The following PLXND1 variants were observed in gnomAD, a reference collection of about 807,000 sequenced individuals.
The protein encoded by PLXND1 is plexin D1, also known as plexin-D1.
PLXND1 carries 54 observed loss-of-function variants against 197.7 expected under a neutral mutation model. The observed-to-expected ratio is 0.27, with a 90% CI of 0.22 to 0.34. PLXND1 has a LOEUF of 0.34. PLXND1 is among the 10% of genes least tolerant of loss of function. The pLI, the probability that PLXND1 is intolerant of heterozygous loss-of-function variation, is 1.00. For synonymous variants in PLXND1, 1,180 were observed against 1,161.2 expected (o/e 1.02, Z -0.33); for missense variants, 2,127 against 2,699.2 (o/e 0.79, Z 4.70).
At position 129,586,664 on chromosome 3, in the gene PLXND1, T is replaced by A. The variant is rs137960066; in HGVS notation, c.1544A>T (p.Tyr515Phe). The A allele has an allele frequency of 6.3e-7, 1 of 1,589,396 alleles. No homozygotes were observed. The highest frequency in any genetic ancestry group is 1.3e-5 in the African/African-American group (1 of 74,634). ...VVSRRVVTVA[Y>F]GEPVHHVMQF... is the part of the protein sequence containing the mutation. ...CATGACATGGTGCACGGGCTCCCCA[T>A]AGGCCACAGTCACCACCCGCCTGCT... is the stretch of plus-strand genomic sequence containing the variant. The change falls in exon 3 of 36, where the codon TAT becomes TTT. Residue 515 changes from tyrosine (Y) to phenylalanine (F), a missense_variant. Physicochemically the swap from Tyr to Phe is conservative, Grantham distance 22. This residue lies in a region of PLXND1 where 1,095 missense variants were observed against 1,259.8 expected (regional missense o/e 0.87). Coordinates refer to ENST00000324093, the MANE Select transcript of PLXND1 (RefSeq NM_015103.3).
At position 129,575,554 on chromosome 3, in the gene PLXND1, C is replaced by G; in HGVS notation, c.2445G>C (p.Thr815=). The change falls in exon 11 of 36, where the codon ACG becomes ACC. Residue 815 remains threonine, a synonymous_variant. Coordinates refer to ENST00000324093, the MANE Select transcript of PLXND1 (RefSeq NM_015103.3). ...VVRCDQVVLH[T]TRKSQVFPLS... is the part of the protein sequence containing the mutation. The stretch of plus-strand genomic sequence containing the variant: ...GCGGGAACACCTGGCTCTTCCGGGT[C>G]GTGTGCAGCTGCAAAAGGGCAGAAA... 1.3e-6 allele frequency: 2 copies of G among 1,555,158 alleles called. No individual in the cohort carries two copies. The highest frequency in any genetic ancestry group is 1.7e-6 in the Non-Finnish European group (2 of 1,148,628).
chr3:129,566,783 A>G (rs1216444709), intron 22 of PLXND1, 152 bp from the exon 23 acceptor site: 2 of 583,974 alleles, frequency 3.4e-6, no homozygotes, highest in African/African-American at 3.8e-5. Flanking sequence ...GCAGTGGGCC[A>G]AGCCTGGGGG....
chr3:129,574,388 C>T lies in PLXND1; in HGVS notation c.2633G>A (p.Arg878Gln), dbSNP rs775185534. ...GCCAGCCATGGGCTGCAGAGGCCCC[C>T]GCAGGCGGCAGCCATCACTCCACAT... Reference protein sequence around the residue: ...LCMWSDGCRLRGPLQPMAGTC... With the variant: ...LCMWSDGCRLQGPLQPMAGTC... Residue 878 changes from arginine (R) to glutamine (Q), a missense_variant, in exon 12 of 36, where the codon CGG becomes CAG. Physicochemically the swap from Arg to Gln is conservative, Grantham distance 43. Coordinates refer to ENST00000324093, the MANE Select transcript of PLXND1 (RefSeq NM_015103.3). 8.1e-6 allele frequency: 13 copies of T among 1,611,824 alleles called. No individual in the cohort carries two copies. The highest frequency in any genetic ancestry group is 2.2e-5 in the East Asian group (1 of 44,818).
At position 129,558,503 on chromosome 3, in the gene PLXND1, G is replaced by C; in HGVS notation, c.5370C>G (p.His1790Gln). The change falls in exon 33 of 36, where the codon CAC becomes CAG. Residue 1790 changes from histidine (H) to glutamine (Q), a missense_variant. By Grantham distance (24) the His-to-Gln change is conservative. Coordinates refer to ENST00000324093, the MANE Select transcript of PLXND1 (RefSeq NM_015103.3). The surrounding 1 kb of genome is among the most constrained non-coding windows in gnomAD (Gnocchi z 4.1). ...QFVFDIDKTD[H>Q]IDACLSVIAQ... ...CGATGACTGAAAGGCAGGCGTCGAT[G>C]TGGTCTGTCTTGTCGATGTCAAAGA... The C allele has an allele frequency of 1.2e-6, 2 of 1,614,058 alleles. No homozygotes were observed.
intron 5 of PLXND1, among the ~76,000 whole-genome samples, chr3:129,585,331 A>T (rs2085443242): frequency 6.6e-6 from 1 of 152,158 alleles, no homozygotes; most frequent in Non-Finnish European, 1.5e-5. Context: ...TGAGAGCCAG[A>T]TGCATGAACC....
chr3:129,561,995 G>A (rs879367242), intron 27 of PLXND1, 92 bp from the exon 28 acceptor site: 17 of 807,398 alleles, frequency 2.1e-5, no homozygotes, highest in East Asian at 4.9e-5. Flanking sequence ...GAGGCCTCTC[G>A]CTCTCTCCAT....
intron 1 of PLXND1, among the ~76,000 whole-genome samples, chr3:129,590,434 T>A: frequency 6.6e-6 from 1 of 150,940 alleles, no homozygotes; most frequent in African/African-American, 2.4e-5. Context: ...ACAATAACTG[T>A]GCAACTCCGC....
chr3:129,580,426 G>A (rs1200865269), intron 8 of PLXND1, among the ~76,000 whole-genome samples: 14 of 152,198 alleles, frequency 9.2e-5, no homozygotes, highest in Non-Finnish European at 1.9e-4. Flanking sequence ...GAATCCGAGG[G>A]CATGGAATCC....
At chr3:129,576,189 G>A (rs2085311787) in intron 9 of PLXND1, among the ~76,000 whole-genome samples, 1 of 152,144 alleles carries the variant, frequency 6.6e-6, no homozygotes, top group Admixed American at 6.5e-5. Flanking sequence ...CCTGCTCTTC[G>A]AGCCTTCCCA....
chr3:129,559,608 C>T lies in PLXND1; in HGVS notation c.5297+12G>A. The T allele has an allele frequency of 6.3e-7, 1 of 1,587,540 alleles. No homozygotes were observed. The highest frequency in any genetic ancestry group is 2.2e-5 in the East Asian group (1 of 44,482). Reference sequence around the variant, plus strand: ...GGCACAGTGAAGTCCACACGGCCCCCCCACCCGCCACCTGTTGGTCTTCCA... The same window carrying T: ...GGCACAGTGAAGTCCACACGGCCCCTCCACCCGCCACCTGTTGGTCTTCCA... On this transcript the variant is annotated intron_variant, in intron 32 of 35. Transcript: ENST00000324093.
chr3:129,589,219 GCTA>G, intron 2 of PLXND1, 129 bp downstream of exon 2: 1 of 715,002 alleles, frequency 1.4e-6, no homozygotes. Context: ...ACTGTAAAGT[GCTA>G]GGCGAATGGG....
chr3:129,583,673 G>A lies in PLXND1; in HGVS notation c.2139-4C>T. ...TGCCGACAGGCAGCTGGTACAGCTG[G>A]AAGACAAGGAGGCCCCTCAACTCCT... is the stretch of plus-strand genomic sequence containing the variant. On this transcript the variant is annotated splice_polypyrimidine_tract_variant and splice_region_variant and intron_variant, in intron 7 of 35. Transcript: ENST00000324093. 1 of 1,604,868 alleles carries A rather than the reference G, an allele frequency of 6.2e-7. No individual in the cohort carries two copies.
At position 129,572,905 on chromosome 3, in the gene PLXND1, G is replaced by A. The variant is rs369091078; in HGVS notation, c.2874C>T (p.Leu958=). ...VCVTGPAPGP[L]SGVVTVNASK... ...AGGCGTTCACGGTCACCACACCTGAGAGTGGTCCTGGGGCTGGCCCTGTGA... is the reference window on the plus strand; with the variant it reads ...AGGCGTTCACGGTCACCACACCTGAAAGTGGTCCTGGGGCTGGCCCTGTGA... The change falls in exon 14 of 36, where the codon CTC becomes CTT. Residue 958 remains leucine (L), a synonymous_variant. Transcript: ENST00000324093. The A allele has an allele frequency of 1.1e-5, 17 of 1,613,888 alleles. No homozygotes were observed. Among genetic ancestry groups the A allele is most frequent in the East Asian group, 2.2e-5 (1 of 44,884 alleles).
Position 129,561,872 on chromosome 3 carries a change from G to C in PLXND1, c.4857C>G (p.Ile1619Met), listed in dbSNP as rs749999598. Residue 1619 changes from isoleucine to methionine, a missense_variant, in exon 28 of 36, where the codon ATC becomes ATG. Physicochemically the swap from Ile to Met is conservative, Grantham distance 10. Coordinates refer to ENST00000324093, the MANE Select transcript of PLXND1 (RefSeq NM_015103.3). The stretch of plus-strand genomic sequence containing the variant: ...CTGAGGTGTCGTCCAGGTCCCGAAG[G>C]ATGTAGCTCTGTGTGCTGGAGGCGA... ...EWFASSTQSY[I>M]LRDLDDTSVV... 4 of 1,613,912 alleles carry C rather than the reference G, an allele frequency of 2.5e-6. No individual in the cohort carries two copies. Among genetic ancestry groups the C allele is most frequent in the Non-Finnish European group, 3.4e-6 (4 of 1,179,934 alleles).
intron 2 of PLXND1, among the ~76,000 whole-genome samples, chr3:129,587,325 G>C (rs150496330): frequency 3.0e-3 from 457 of 152,348 alleles, no homozygotes; most frequent in Non-Finnish European, 5.2e-3. Flanking sequence ...GCAATACCAG[G>C]CCTGCCTGAC....
chr3:129,561,511 G>A lies in PLXND1; in HGVS notation c.4993+135C>T, dbSNP rs781293545. On this transcript the variant is annotated intron_variant, in intron 29 of 35. Coordinates refer to ENST00000324093, the MANE Select transcript of PLXND1 (RefSeq NM_015103.3). ...TACTGGGTCAGAGGAGGCTGGCCCC[G>A]CCCAGCCCCCACCAAGGAGGCCTCA... The A allele has an allele frequency of 2.0e-4, 129 of 660,542 alleles. No homozygotes were observed. Among genetic ancestry groups the A allele is most frequent in the Middle Eastern group, 4.1e-4 (1 of 2,440 alleles). 40.9% of individuals were successfully genotyped at this position (660,542 alleles called of 1,614,324 possible). A position where few individuals can be genotyped will look rare whatever the true frequency, so the allele number is the denominator to read the frequency against.
intron 23 of PLXND1, 100 bp from the exon 24 acceptor site, chr3:129,566,117 T>C: frequency 3.9e-6 from 5 of 1,283,250 alleles, no homozygotes; most frequent in Non-Finnish European, 5.6e-6. Flanking sequence ...CCTCCTGGGA[T>C]GGGGAGCTCA....
intron 1 of PLXND1, among the ~76,000 whole-genome samples, chr3:129,599,283 G>C (rs1230228060): frequency 6.6e-6 from 1 of 152,252 alleles, no homozygotes; most frequent in Non-Finnish European, 1.5e-5. Flanking sequence ...CGTGGCCCTT[G>C]CTGAATGCCG....
chr3:129,599,578 A>G (rs1576282816), intron 1 of PLXND1, among the ~76,000 whole-genome samples: 1 of 152,294 alleles, frequency 6.6e-6, no homozygotes, highest in Middle Eastern at 3.4e-3. Flanking sequence ...TTGCACACCC[A>G]AAGGGCCATG....
Sources: allele counts gnomAD v4.1 joint callset (sites outside exome capture counted in the v4.1 genomes callset), GRCh38; gene constraint gnomAD v4.1.1; regional missense constraint gnomAD v4.1.1; non-coding constraint Gnocchi (gnomAD v3.1); transcripts MANE v1.5; gene names NCBI Gene and HGNC (gene_info 2026-07-23, HGNC 2026-07-21).